Variants in ZNF655 observed in about 807,000 individuals in gnomAD.
The protein encoded by ZNF655 is Vav-interacting Kruppel-like protein 1.
A neutral mutation model predicts 6.6 loss-of-function variants in ZNF655; 3 were observed. The observed-to-expected ratio is 0.46, with a 90% confidence interval of 0.21 to 1.18. The LOEUF is 1.18. Among genes scored for constraint, ZNF655 ranks in the 50% most tolerant of loss-of-function variants. ZNF655 has a pLI of 0.24. For synonymous variants in ZNF655, 178 were observed against 195.0 expected (o/e 0.91, Z 0.73); for missense variants, 526 against 572.3 (o/e 0.92, Z 0.83).
At chr7:99,567,658 G>C in intron 2 of ZNF655, among the ~76,000 whole-genome samples, 1 of 152,226 alleles carries the variant, frequency 6.6e-6, no homozygotes, top group East Asian at 1.9e-4. Context: ...CTTACCAGCT[G>C]TAGTATGTTG....
chr7:99,576,358 A>G lies in ZNF655; in HGVS notation c.*2774A>G, dbSNP rs1324138869. On this transcript the variant is annotated 3_prime_UTR_variant, in exon 3 of 3. Coordinates refer to ENST00000252713, the MANE Select transcript of ZNF655 (RefSeq NM_138494.3). ...CTGAAACAGGATTATGTAATCCCTAAAAAGCAGAATATGTAAAAATCACAT... is the reference window on the plus strand; with the variant it reads ...CTGAAACAGGATTATGTAATCCCTAGAAAGCAGAATATGTAAAAATCACAT... 1 of 152,704 alleles carries G rather than the reference A, an allele frequency of 6.5e-6. No individual in the cohort carries two copies. The highest frequency in any genetic ancestry group is 2.4e-5 in the African/African-American group (1 of 41,472). The allele number at this position is 152,704 out of a possible 1,614,324, so 9.5% of individuals were successfully genotyped here. A position where few individuals can be genotyped will look rare whatever the true frequency, so the allele number is the denominator to read the frequency against.
At chr7:99,560,041 T>G (rs953577768) in intron 1 of ZNF655, among the ~76,000 whole-genome samples, 3 of 152,020 alleles carry the variant, frequency 2.0e-5, no homozygotes, top group Non-Finnish European at 4.4e-5. Context: ...ATTTGGTTCT[T>G]AAGTATTTAA....
rs374421640 is a variant in ZNF655, at chr7:99,570,602, T to TA, written c.137-1642dup. ...ATCAAAAGAATTGCAAGATACAAGA[T>TA]ACCTGGTCCCTTCTATCAAAGAGTT... is the stretch of plus-strand genomic sequence containing the variant. On this transcript the variant is annotated intron_variant, in intron 2 of 2. Transcript: ENST00000252713. The TA allele has an allele frequency of 2.0e-5, 3 of 152,322 alleles. No individual in the cohort carries two copies. In the East Asian group the frequency reaches 5.8e-4, roughly 29 times the overall value. 9.4% of individuals were successfully genotyped at this position (152,322 alleles called of 1,614,324 possible).
chr7:99,563,147 G>T (rs1357954744), intron 2 of ZNF655: 25 of 451,410 alleles, frequency 5.5e-5, no homozygotes, highest in Non-Finnish European at 1.1e-4. Flanking sequence ...CTGAGGTGGG[G>T]TCAATGCTTA....
rs996147603 is a variant in ZNF655 at position 99,572,267 on chromosome 7, C to T, written c.159C>T (p.Asn53=). The change falls in exon 3 of 3, where the codon AAC becomes AAT. Residue 53 remains asparagine, a synonymous_variant. Transcript: ENST00000252713. ...CAGATGGAGAGACCAGAGAAGAGAA[C>T]AAGCTGTTGATTCCTAAGCAGAAAA... ...LTGDGETREE[N]KLLIPKQKIS... is the part of the protein sequence containing the mutation. 6.2e-7 allele frequency: 1 copy of T among 1,606,986 alleles called. No homozygotes were observed. Among genetic ancestry groups the T allele is most frequent in the Non-Finnish European group, 8.5e-7 (1 of 1,177,458 alleles).
At chr7:99,566,754 C>T (rs889191648) in intron 2 of ZNF655, among the ~76,000 whole-genome samples, 7 of 152,040 alleles carry the variant, frequency 4.6e-5, no homozygotes, top group African/African-American at 1.4e-4. Flanking sequence ...GAAGGTGTTT[C>T]GCTATGTTAC....
chr7:99,567,531 C>CA lies in ZNF655; in HGVS notation c.137-4699dup, dbSNP rs201495604. Among the ~76,000 whole-genome samples the CA allele has an allele frequency of 4.7e-3, 410 of 86,728 alleles. 2 individuals are homozygous for CA. The highest frequency in any genetic ancestry group is 0.012 in the East Asian group (35 of 2,974). The allele number at this position is 86,728 out of a possible 152,430, so 56.9% of individuals were successfully genotyped here. A position where few individuals can be genotyped will look rare whatever the true frequency, so the allele number is the denominator to read the frequency against. ...TGGGTGACAGAGTGCAACTCCGTCT[C>CA]AAAAAAAAAAAAAAAGCATTCACGT... On this transcript the variant is annotated intron_variant, in intron 2 of 2. Coordinates refer to ENST00000252713, the MANE Select transcript of ZNF655 (RefSeq NM_138494.3).
At chr7:99,563,123 A>G in intron 2 of ZNF655, 2 of 443,150 alleles carry the variant, frequency 4.5e-6, no homozygotes, top group South Asian at 3.2e-5. Flanking sequence ...GAAATCTCAG[A>G]TGTTTACCCC....
rs1366466105 is a variant in ZNF655 at position 99,560,693 on chromosome 7, G to A, written c.134G>A (p.Gly45Glu). The change falls in exon 2 of 3, where the codon GGG (glycine) becomes GAG (glutamate). Residue 45 changes from glycine (G) to glutamate (E), a missense_variant and splice_region_variant. Gly to Glu is a moderately conservative substitution (Grantham distance 98, BLOSUM62 -2). Coordinates refer to ENST00000252713, the MANE Select transcript of ZNF655 (RefSeq NM_138494.3). ...ACCGACATGGAACAGGGACTCACTG[G>A]GGGTAAGGCAGAGAAAGCACTTCCG... ...QDTDMEQGLT[G>E]DGETREENKL... 1 of 1,613,396 alleles carries A rather than the reference G, an allele frequency of 6.2e-7. No homozygotes were observed.
rs534859393 is a variant in ZNF655 at position 99,566,021 on chromosome 7, A to G, written c.136+5326A>G. The stretch of plus-strand genomic sequence containing the variant: ...ACACACACAGACATAGGACATTTAT[A>G]TGTGTGTGTGTGTGTGTGTGTATAT... On this transcript the variant is annotated intron_variant, in intron 2 of 2. Coordinates refer to ENST00000252713, the MANE Select transcript of ZNF655 (RefSeq NM_138494.3). Among the ~76,000 whole-genome samples the G allele has an allele frequency of 7.1e-4, 106 of 149,970 alleles. 1 individual carries two copies. Among genetic ancestry groups the G allele is most frequent in the South Asian group, 3.0e-3 (14 of 4,728 alleles).
In ZNF655 at chr7:99,563,758, C is replaced by T; in HGVS notation, c.136+3063C>T. 5 of 1,377,454 alleles carry T rather than the reference C, an allele frequency of 3.6e-6. 1 individual carries two copies. The South Asian group carries it at 3.9e-5, about 11-fold the overall frequency. The allele number at this position is 1,377,454 out of a possible 1,614,324, so 85.3% of individuals were successfully genotyped here. A position where few individuals can be genotyped will look rare whatever the true frequency, so the allele number is the denominator to read the frequency against. ...GCATCCAGGGCATTGCTTTGTCTCC[C>T]TGATTATGCTCAGGATTCAAGGTCT... On this transcript the variant is annotated intron_variant, in intron 2 of 2. Transcript: ENST00000252713.
chr7:99,563,803 G>C (rs1803404234), intron 2 of ZNF655: 2 of 1,566,914 alleles, frequency 1.3e-6, no homozygotes, highest in Middle Eastern at 2.3e-4. Context: ...TGGGGAGGCA[G>C]GCTGCCCACT....
intron 2 of ZNF655, chr7:99,564,623 C>T: frequency 1.0e-6 from 1 of 985,292 alleles, no homozygotes; most frequent in African/African-American, 1.7e-5. Flanking sequence ...TACTTAATAA[C>T]TTTGTAAACT....
intron 2 of ZNF655, among the ~76,000 whole-genome samples, chr7:99,566,041 G>GTGTGTGTGTATA (rs59166250): frequency 1.1e-3 from 164 of 149,990 alleles, no homozygotes; most frequent in African/African-American, 3.8e-3. Context: ...GTGTGTGTGT[G>GTGTGTGTGTATA]TATATATATA....
Position 99,575,882 on chromosome 7 carries a change from G to A in ZNF655, c.*2298G>A, listed in dbSNP as rs746348302. ...TTGACTGATAAAAGTGATTACAGAT[G>A]TTGGCTCAAGTTCAGGGCCACCATC... On this transcript the variant is annotated 3_prime_UTR_variant, in exon 3 of 3. Coordinates refer to ENST00000252713, the MANE Select transcript of ZNF655 (RefSeq NM_138494.3). The A allele has an allele frequency of 1.3e-5, 2 of 152,164 alleles. No individual in the cohort carries two copies. Among genetic ancestry groups the A allele is most frequent in the Non-Finnish European group, 2.9e-5 (2 of 68,028 alleles). The allele number at this position is 152,164 out of a possible 1,614,324, so 9.4% of individuals were successfully genotyped here. A position where few individuals can be genotyped will look rare whatever the true frequency, so the allele number is the denominator to read the frequency against.
intron 2 of ZNF655, chr7:99,571,074 T>C: frequency 2.7e-6 from 1 of 373,260 alleles, no homozygotes; most frequent in South Asian, 2.4e-5. Context: ...CTTCTTGGCC[T>C]CTTATCCCCT....
In ZNF655 at chr7:99,573,603, G is replaced by T; in HGVS notation, c.*19G>T. 1 of 1,583,946 alleles carries T rather than the reference G, an allele frequency of 6.3e-7. No homozygotes were observed. The highest frequency in any genetic ancestry group is 8.5e-7 in the Non-Finnish European group (1 of 1,171,220). On this transcript the variant is annotated 3_prime_UTR_variant, in exon 3 of 3. Coordinates refer to ENST00000252713, the MANE Select transcript of ZNF655 (RefSeq NM_138494.3). ...CTCATGAATGTAATGAAGATGGGAA[G>T]ATATTTATCAAATTCAGGCTTCATT...
chr7:99,571,211 A>G, intron 2 of ZNF655: 1 of 1,283,174 alleles, frequency 7.8e-7, no homozygotes, highest in Middle Eastern at 2.1e-4. Flanking sequence ...GTTTCTTGAG[A>G]TTGGTCCTTA....
intron 2 of ZNF655, chr7:99,564,737 T>C (rs949243169): frequency 1.0e-6 from 1 of 984,560 alleles, no homozygotes. Flanking sequence ...AGAAACTTTG[T>C]AGCAGTTTAA....
Sources: allele counts gnomAD v4.1 joint callset (sites outside exome capture counted in the v4.1 genomes callset), GRCh38; gene constraint gnomAD v4.1.1; transcripts MANE v1.5; gene names NCBI Gene and HGNC (gene_info 2026-07-23, HGNC 2026-07-21).